The following FN1 variants were observed in gnomAD, a reference collection of about 807,000 sequenced individuals.
FN1 encodes the protein fibronectin.
In FN1, 106 loss-of-function variants were observed where a neutral mutation model predicts 297.3. That is an observed-to-expected ratio of 0.36 (90% CI 0.30 to 0.42). The LOEUF is 0.42. Among genes scored for constraint, FN1 ranks in the 10% least tolerant of loss-of-function variants. The pLI is 1.00. For synonymous variants in FN1, 1,149 were observed against 1,152.6 expected, an observed-to-expected ratio of 1.00 and a Z score of 0.06; for missense variants, 2,690 against 3,124.9, an observed-to-expected ratio of 0.86 and a Z score of 3.32.
chr2:215,388,904 GAA>G (rs1207989054), intron 26 of FN1, among the ~76,000 whole-genome samples: 2 of 152,052 alleles, frequency 1.3e-5, no homozygotes, highest in Admixed American at 6.6e-5. Context: ...GAGGCACAGA[GAA>G]GTTATCTTCT....
intron 17 of FN1, among the ~76,000 whole-genome samples, chr2:215,407,612 G>A (rs1181446206): frequency 6.6e-6 from 1 of 152,160 alleles, no homozygotes; most frequent in Non-Finnish European, 1.5e-5. Flanking sequence ...AAATATTCAT[G>A]TTAAGCTGAT....
rs559847579 is a variant in FN1 at position 215,383,409 on chromosome 2, T to C, written c.4969A>G (p.Ser1657Gly). Residue 1657 changes from serine to glycine, a missense_variant, in exon 31 of 46, where the codon AGT becomes GGT. Physicochemically the swap from Ser to Gly is moderately conservative, Grantham distance 56. Around this residue, in one of 3 missense-constraint regions of FN1, gnomAD observed 1,743 missense variants for 1,945.2 expected, o/e 0.90. Coordinates refer to ENST00000354785, the MANE Select transcript of FN1 (RefSeq NM_212482.4). Reference protein sequence around the residue: ...NSISVKWLPSSSPVTGYRVTT... With the variant: ...NSISVKWLPSGSPVTGYRVTT... The stretch of plus-strand genomic sequence containing the variant: ...ACTCTGTAACCAGTAACAGGGGAAC[T>C]TGAAGGCAGCCACTTGACACTAATG... 2 of 1,614,096 alleles carry C rather than the reference T, an allele frequency of 1.2e-6. No homozygotes were observed. Among genetic ancestry groups the C allele is most frequent in the Admixed American group, 1.7e-5 (1 of 60,022 alleles).
At chr2:215,374,774 G>A (rs2056950751) in intron 38 of FN1, among the ~76,000 whole-genome samples, 1 of 152,202 alleles carries the variant, frequency 6.6e-6, no homozygotes, top group African/African-American at 2.4e-5. Context: ...AATGTGGGTG[G>A]TTGGGACTGC....
rs753956283 is a variant in FN1 at position 215,376,518 on chromosome 2, A to C, written c.5867T>G (p.Val1956Gly). The change falls in exon 36 of 46, where the codon GTC becomes GGC. Residue 1956 changes from valine to glycine, a missense_variant. By Grantham distance (109) the Val-to-Gly change is moderately radical. Transcript: ENST00000354785. ...CTGACCTGTGATGGTGTAGCTTCTG[A>C]CATCTGGCTTGATGGTTCTCTGGAT... ...TPIQRTIKPD[V>G]RSYTITGLQP... 3 of 1,614,110 alleles carry C rather than the reference A, an allele frequency of 1.9e-6. No homozygotes were observed. The Admixed American group carries it at 5.0e-5, about 27-fold the overall frequency.
rs767515823 is a variant in FN1 at position 215,394,606 on chromosome 2, C to T, written c.3718G>A (p.Gly1240Ser). The T allele has an allele frequency of 2.2e-5, 36 of 1,613,908 alleles. No homozygotes were observed. Among genetic ancestry groups the T allele is most frequent in the Admixed American group, 1.5e-4 (9 of 59,990 alleles). Residue 1240 changes from glycine (G) to serine (S), a missense_variant, in exon 24 of 46, where the codon GGC (glycine) becomes AGC (serine). Transcript: ENST00000354785. ...SSCTFDNLSP[G>S]LEYNVSVYTV... ...TAAACACTGACATTGTACTCCAGGC[C>T]GGGACTCAGGTTATCAAAAGTGCAG... is the stretch of plus-strand genomic sequence containing the variant.
At chr2:215,380,776 CCCATGGGCA>C (rs1170473568) in intron 33 of FN1, 26 bp downstream of exon 33, 1 of 1,611,444 alleles carries the variant, frequency 6.2e-7, no homozygotes, top group Non-Finnish European at 8.5e-7. Flanking sequence ...AGCCGCTGCT[CCCATGGGCA>C]CCTGGTGGTG....
intron 22 of FN1, 22 bp downstream of exon 22, chr2:215,397,658 A>G (rs1196335343): frequency 1.2e-6 from 2 of 1,611,512 alleles, no homozygotes; most frequent in East Asian, 2.2e-5. Flanking sequence ...AACTAATAGA[A>G]AAGGGAAAAA....
At chr2:215,379,055 ATATTTTCAC>A in intron 34 of FN1, 66 bp downstream of exon 34, 1 of 1,231,754 alleles carries the variant, frequency 8.1e-7, no homozygotes, top group Non-Finnish European at 1.2e-6. Flanking sequence ...TTATGATATT[ATATTTTCAC>A]CACCTTAGAA....
intron 38 of FN1, among the ~76,000 whole-genome samples, chr2:215,374,096 A>G (rs2056811895): frequency 6.6e-6 from 1 of 152,180 alleles, no homozygotes; most frequent in Non-Finnish European, 1.5e-5. Context: ...TGCAGATTAT[A>G]TACATGAATC....
chr2:215,422,643 T>C (rs2064612330), intron 9 of FN1, among the ~76,000 whole-genome samples: 1 of 152,214 alleles, frequency 6.6e-6, no homozygotes, highest in African/African-American at 2.4e-5. Flanking sequence ...GTGGGTTTTT[T>C]CTTCTAAACT....
At chr2:215,423,998 G>A (rs920417827) in intron 8 of FN1, 148 bp downstream of exon 8, 10 of 789,342 alleles carry the variant, frequency 1.3e-5, no homozygotes, top group East Asian at 5.0e-5. Context: ...CAGCTGTTAC[G>A]TGAGCGCTGC....
Position 215,362,014 on chromosome 2 carries a change from C to A in FN1, c.7317G>T (p.Gln2439His), listed in dbSNP as rs2053556802. Reference sequence around the variant, plus strand: ...ATCTCTGAGAATACTGGTTGTAGGACTGGCCAGTAGTGCCTTCGGGACTGG... The same window carrying A: ...ATCTCTGAGAATACTGGTTGTAGGAATGGCCAGTAGTGCCTTCGGGACTGG... Reference protein sequence around the residue: ...GEPSPEGTTGQSYNQYSQRYH... With the variant: ...GEPSPEGTTGHSYNQYSQRYH... Residue 2439 changes from glutamine (Q) to histidine (H), a missense_variant, in exon 45 of 46, where the codon CAG becomes CAT. Gln to His is a conservative substitution (Grantham distance 24). This residue lies in a region of FN1 where 1,743 missense variants were observed against 1,945.2 expected (regional missense o/e 0.90). Transcript: ENST00000354785. 9 of 1,614,074 alleles carry A rather than the reference C, an allele frequency of 5.6e-6. No individual in the cohort carries two copies. The highest frequency in any genetic ancestry group is 7.6e-6 in the Non-Finnish European group (9 of 1,179,976).
At chr2:215,420,187 A>G (rs1301647345) in intron 11 of FN1, among the ~76,000 whole-genome samples, 1 of 152,142 alleles carries the variant, frequency 6.6e-6, no homozygotes, top group Non-Finnish European at 1.5e-5. Context: ...TAAAGATACA[A>G]AATTAGCTGG....
At chr2:215,385,123 G>A in intron 28 of FN1, 147 bp from the exon 29 acceptor site, 1 of 683,364 alleles carries the variant, frequency 1.5e-6, no homozygotes, top group Non-Finnish European at 2.7e-6. Flanking sequence ...TTTATATTAT[G>A]ACGAATTCAA....
Position 215,382,266 on chromosome 2 carries a change from A to T in FN1, c.5110T>A (p.Tyr1704Asn). The change falls in exon 32 of 46, where the codon TAT becomes AAT. Residue 1704 changes from tyrosine (Y) to asparagine (N), a missense_variant. Physicochemically the swap from Tyr to Asn is moderately radical, Grantham distance 143 (BLOSUM62 -2). Around this residue, in one of 3 missense-constraint regions of FN1, gnomAD observed 1,743 missense variants for 1,945.2 expected, o/e 0.90. Transcript: ENST00000354785. ...CTCTCTCCGCTTGGATTCTGAGCATAGACACTAACCACATACTCCACTGTG... is the reference window on the plus strand; with the variant it reads ...CTCTCTCCGCTTGGATTCTGAGCATTGACACTAACCACATACTCCACTGTG... ...QPTVEYVVSV[Y>N]AQNPSGESQP... 6.2e-7 allele frequency: 1 copy of T among 1,614,016 alleles called. No homozygotes were observed. The highest frequency in any genetic ancestry group is 8.5e-7 in the Non-Finnish European group (1 of 1,179,870).
intron 40 of FN1, among the ~76,000 whole-genome samples, chr2:215,371,417 G>A (rs1386743258): frequency 7.3e-5 from 11 of 150,948 alleles, no homozygotes; most frequent in East Asian, 5.8e-4. Context: ...AGGACAAATC[G>A]TAAAGGTAGT....
intron 38 of FN1, among the ~76,000 whole-genome samples, chr2:215,373,671 CTTTTTTTTTTT>C (rs58966623): frequency 8.0e-6 from 1 of 125,450 alleles, no homozygotes. Context: ...CCAGGGTATT[CTTTTTTTTTTT>C]TTTTTTTTTT....
At chr2:215,394,499 C>T (rs1313458069) in intron 24 of FN1, 29 bp downstream of exon 24, 1 of 1,567,512 alleles carries the variant, frequency 6.4e-7, no homozygotes, top group South Asian at 1.1e-5. Context: ...AAGTGTCACT[C>T]TCAGGATAGC....
In FN1 at chr2:215,372,391, TA is replaced by T; in HGVS notation, c.6248-17del. The T allele has an allele frequency of 1.2e-6, 2 of 1,607,866 alleles. No individual in the cohort carries two copies. The highest frequency in any genetic ancestry group is 1.7e-6 in the Non-Finnish European group (2 of 1,174,426). ...GGAAGCTCGTCTAGCCGAGAGAGGT[TA>T]GAGCCAAAAAAGCAAAGCGCATTAA... On this transcript the variant is annotated splice_polypyrimidine_tract_variant and intron_variant, in intron 39 of 45. Transcript: ENST00000354785.
Sources: allele counts gnomAD v4.1 joint callset (sites outside exome capture counted in the v4.1 genomes callset), GRCh38; gene constraint gnomAD v4.1.1; regional missense constraint gnomAD v4.1.1; transcripts MANE v1.5; gene names NCBI Gene and HGNC (gene_info 2026-07-23, HGNC 2026-07-21).